Variants in RIC8B observed in about 807,000 individuals in gnomAD.
The protein encoded by RIC8B is chaperone Ric-8B.
A neutral mutation model predicts 57.5 loss-of-function variants in RIC8B; 16 were observed. That is an observed-to-expected ratio of 0.28 (90% CI 0.19 to 0.42). The LOEUF (loss-of-function observed/expected upper bound fraction) is 0.42. RIC8B is among the 10% of genes least tolerant of loss of function. The pLI is 1.00. For synonymous variants in RIC8B, 216 were observed against 250.8 expected, an observed-to-expected ratio of 0.86 and a Z score of 1.31; for missense variants, 481 against 677.0, an observed-to-expected ratio of 0.71 and a Z score of 3.21.
chr12:106,832,159 C>T (rs1047029474), intron 4 of RIC8B, among the ~76,000 whole-genome samples: 17 of 152,266 alleles, frequency 1.1e-4, no homozygotes, highest in African/African-American at 3.9e-4. Flanking sequence ...TTAAGAACTC[C>T]CTCCCAGCCC....
intron 4 of RIC8B, among the ~76,000 whole-genome samples, chr12:106,832,874 T>C (rs1356368215): frequency 6.6e-6 from 1 of 152,208 alleles, no homozygotes; most frequent in Non-Finnish European, 1.5e-5. Flanking sequence ...CCAAGGTTAA[T>C]GCCCACACCT....
At chr12:106,884,795 A>G (rs1156683377) in intron 9 of RIC8B, among the ~76,000 whole-genome samples, 1 of 152,158 alleles carries the variant, frequency 6.6e-6, no homozygotes, top group African/African-American at 2.4e-5. Flanking sequence ...ACACCATTAC[A>G]CTACTGTGTG....
chr12:106,859,345 C>T (rs1400105563), intron 7 of RIC8B, among the ~76,000 whole-genome samples: 1 of 152,104 alleles, frequency 6.6e-6, no homozygotes, highest in African/African-American at 2.4e-5. Flanking sequence ...GTGTCCCTTG[C>T]AAAAGTTGTG....
At chr12:106,854,652 G>C in intron 7 of RIC8B, among the ~76,000 whole-genome samples, 1 of 152,154 alleles carries the variant, frequency 6.6e-6, no homozygotes, top group Non-Finnish European at 1.5e-5. Context: ...TTAGCTGGAC[G>C]TGGTGGTGCA....
chr12:106,779,904 G>GTT (rs2043685709), intron 1 of RIC8B, among the ~76,000 whole-genome samples: 1 of 117,574 alleles, frequency 8.5e-6, no homozygotes, highest in Admixed American at 9.7e-5. Context: ...GTGTGTGTGT[G>GTT]TGTAGAGTTG....
At position 106,774,700 on chromosome 12, in the gene RIC8B, C is replaced by T; in HGVS notation, c.-46C>T. 1.4e-6 allele frequency: 2 copies of T among 1,477,276 alleles called. No individual in the cohort carries two copies. Among genetic ancestry groups the T allele is most frequent in the African/African-American group, 1.4e-5 (1 of 71,826 alleles). 91.5% of individuals were successfully genotyped at this position (1,477,276 alleles called of 1,614,324 possible). On this transcript the variant is annotated 5_prime_UTR_variant, in exon 1 of 10. Transcript: ENST00000392837. ...GCGCGAGGCGTTTACCTGGAGGCAGCGGCTTGGGCGCGCAGAGCGGCCGCG... is the reference window on the plus strand; with the variant it reads ...GCGCGAGGCGTTTACCTGGAGGCAGTGGCTTGGGCGCGCAGAGCGGCCGCG...
In RIC8B at chr12:106,887,475, A is replaced by G. The variant is rs939770004; in HGVS notation, c.*1460A>G. 6.6e-6 allele frequency: 1 copy of G among 152,226 alleles called. No individual in the cohort carries two copies. Among genetic ancestry groups the G allele is most frequent in the Non-Finnish European group, 1.5e-5 (1 of 68,038 alleles). The allele number at this position is 152,226 out of a possible 1,614,324, so 9.4% of individuals were successfully genotyped here. ...AGTTACCTCTCTGGCAAAGCAAAAA[A>G]ATCAGGAATTACGTCTTAAAGGCCT... On this transcript the variant is annotated 3_prime_UTR_variant, in exon 10 of 10. Coordinates refer to ENST00000392837, the MANE Select transcript of RIC8B (RefSeq NM_001330145.2).
intron 9 of RIC8B, among the ~76,000 whole-genome samples, chr12:106,883,327 C>T (rs1593421144): frequency 6.6e-6 from 1 of 152,122 alleles, no homozygotes; most frequent in East Asian, 1.9e-4. Context: ...TCCTTTAGCA[C>T]AATCAGAACT....
At chr12:106,798,139 T>C in intron 2 of RIC8B, 1 of 621,326 alleles carries the variant, frequency 1.6e-6, no homozygotes, top group South Asian at 1.8e-5. Context: ...CACTTAGGCA[T>C]ATCGTAGATC....
At chr12:106,832,812 A>G (rs1319925601) in intron 4 of RIC8B, among the ~76,000 whole-genome samples, 1 of 152,178 alleles carries the variant, frequency 6.6e-6, no homozygotes, top group Admixed American at 6.5e-5. Context: ...AAATGTACCT[A>G]TTCTTTCCTG....
chr12:106,874,610 T>G, intron 9 of RIC8B: 7 of 1,399,390 alleles, frequency 5.0e-6, no homozygotes, highest in Non-Finnish European at 6.9e-6. Flanking sequence ...GTGTAGGGTA[T>G]AGATGTTATT....
intron 2 of RIC8B, among the ~76,000 whole-genome samples, chr12:106,811,253 G>A (rs572161337): frequency 2.6e-5 from 4 of 152,314 alleles, no homozygotes; most frequent in African/African-American, 9.6e-5. Context: ...TTCTGTGTTC[G>A]TCTGGTCAGG....
In RIC8B at chr12:106,814,913, C is replaced by A; in HGVS notation, c.350C>A (p.Ser117Ter). The change falls in exon 3 of 10, where the codon TCA becomes TAA. Residue 117 changes from serine (S) to a stop codon, truncating the protein, a stop_gained. Transcript: ENST00000392837. LOFTEE classifies it high-confidence loss of function. ...TCAGAGTTCCCAGTTATTGTGGAGT[C>A]ATTAAAATGTCTGTGTAATATAGTG... ...KVSEFPVIVE[S>*]LKCLCNIVFN... The A allele has an allele frequency of 6.2e-7, 1 of 1,614,124 alleles. No individual in the cohort carries two copies. The highest frequency in any genetic ancestry group is 1.1e-5 in the South Asian group (1 of 91,044).
intron 1 of RIC8B, among the ~76,000 whole-genome samples, chr12:106,782,673 C>T (rs1324446206): frequency 1.1e-4 from 16 of 151,966 alleles, no homozygotes; most frequent in African/African-American, 3.6e-4. Flanking sequence ...AATGGCCACT[C>T]TCTCCTACCT....
chr12:106,842,015 G>A (rs1438486526), intron 4 of RIC8B, among the ~76,000 whole-genome samples: 2 of 152,064 alleles, frequency 1.3e-5, no homozygotes, highest in African/African-American at 2.4e-5. Context: ...CTGATGATAA[G>A]AAAGAGAGAA....
chr12:106,825,580 A>G (rs2046058681), intron 3 of RIC8B, 146 bp from the exon 4 acceptor site: 3 of 592,696 alleles, frequency 5.1e-6, no homozygotes, highest in Non-Finnish European at 9.3e-6. Flanking sequence ...GTATTGCCTC[A>G]GGAATTCTTC....
At chr12:106,857,021 T>A (rs577335032) in intron 7 of RIC8B, among the ~76,000 whole-genome samples, 19 of 152,214 alleles carry the variant, frequency 1.2e-4, no homozygotes, top group African/African-American at 3.9e-4. Context: ...GAGACTGGTT[T>A]AATGTGTGAG....
rs570987877 is a variant in RIC8B at position 106,825,901 on chromosome 12, T to C, written c.836+81T>C. 2.1e-4 allele frequency: 200 copies of C among 932,554 alleles called. 1 individual carries two copies. Among genetic ancestry groups the C allele is most frequent in the Non-Finnish European group, 3.1e-4 (177 of 572,892 alleles). 57.8% of individuals were successfully genotyped at this position (932,554 alleles called of 1,614,324 possible). On this transcript the variant is annotated intron_variant, in intron 4 of 9. Transcript: ENST00000392837. Reference sequence around the variant, plus strand: ...TTTATGCATCTAATTTCAATTGTTATAAGCACAAGAAAGTGAAAATACTAC... The same window carrying C: ...TTTATGCATCTAATTTCAATTGTTACAAGCACAAGAAAGTGAAAATACTAC...
At chr12:106,844,981 A>G (rs776975865) in intron 6 of RIC8B, among the ~76,000 whole-genome samples, 3 of 152,152 alleles carry the variant, frequency 2.0e-5, no homozygotes, top group Non-Finnish European at 4.4e-5. Flanking sequence ...CCTCAATCCA[A>G]CATTCTTTCT....
Sources: allele counts gnomAD v4.1 joint callset (sites outside exome capture counted in the v4.1 genomes callset), GRCh38; gene constraint gnomAD v4.1.1; transcripts MANE v1.5; gene names NCBI Gene and HGNC (gene_info 2026-07-23, HGNC 2026-07-21).